Variants in UGT1A10 observed in about 807,000 individuals in gnomAD.
The protein encoded by UGT1A10 is UDP-glucuronosyltransferase 1A10.
Under a neutral mutation model 45.8 loss-of-function variants are expected in UGT1A10, and 49 were observed. The ratio of observed to expected loss-of-function variants is 1.07; its 90% CI spans 0.85 to 1.36. The LOEUF is 1.36. Ranked by LOEUF, UGT1A10 falls within the 40% of genes most tolerant of loss-of-function variation. UGT1A10 has a pLI of 0.00. For missense variants in UGT1A10, 745 were observed against 668.6 expected (o/e 1.11, Z -1.26); for synonymous variants, 284 against 249.7 (o/e 1.14, Z -1.29).
At chr2:233,747,030 G>A (rs1487472781) in intron 1 of UGT1A10, among the ~76,000 whole-genome samples, 1 of 151,896 alleles carries the variant, frequency 6.6e-6, no homozygotes, top group Non-Finnish European at 1.5e-5. Context: ...TTCCCGAAGT[G>A]GGACCCATAA....
At chr2:233,737,896 G>C (rs1414538821) in intron 1 of UGT1A10, among the ~76,000 whole-genome samples, 1 of 152,068 alleles carries the variant, frequency 6.6e-6, no homozygotes, top group Non-Finnish European at 1.5e-5. Context: ...TAATTTTCGA[G>C]TGTGGTAAAG....
Position 233,636,857 on chromosome 2 carries a change from C to T in UGT1A10, c.335C>T (p.Ser112Leu). The change falls in exon 1 of 5, where the codon TCA becomes TTA. Residue 112 changes from serine (S) to leucine (L), a missense_variant. Ser to Leu is a moderately radical substitution (Grantham distance 145). Transcript: ENST00000344644. ...AGTATATTTTCTCTATTAATGAGTT[C>T]ATCCAGTGGTTTTCTTGACTTATTT... is the stretch of plus-strand genomic sequence containing the variant. ...AQSIFSLLMS[S>L]SSGFLDLFFS... 6.2e-7 allele frequency: 1 copy of T among 1,614,194 alleles called. No individual in the cohort carries two copies. The highest frequency in any genetic ancestry group is 8.5e-7 in the Non-Finnish European group (1 of 1,180,040).
chr2:233,771,958 T>A (rs1232504862), intron 4 of UGT1A10, among the ~76,000 whole-genome samples: 1 of 152,108 alleles, frequency 6.6e-6, no homozygotes, highest in East Asian at 1.9e-4. Context: ...CTACAAAAAA[T>A]TTAAAAATTG....
At chr2:233,754,297 C>G (rs1695445363) in intron 1 of UGT1A10, 1 of 235,612 alleles carries the variant, frequency 4.2e-6, no homozygotes, top group Non-Finnish European at 8.4e-6. Flanking sequence ...TGTCCTAGCA[C>G]TAGGAAATAA....
intron 4 of UGT1A10, among the ~76,000 whole-genome samples, chr2:233,768,933 G>C (rs1699758323): frequency 6.6e-6 from 1 of 151,962 alleles, no homozygotes; most frequent in South Asian, 2.1e-4. Flanking sequence ...TTTATAAAAG[G>C]ATTCTTTAGT....
intron 1 of UGT1A10, chr2:233,648,072 C>T: frequency 1.9e-6 from 3 of 1,546,430 alleles, no homozygotes; most frequent in South Asian, 1.3e-5. Context: ...CTTCTTCAAC[C>T]TTATACACCC....
chr2:233,768,435 A>G lies in UGT1A10; in HGVS notation c.1291A>G (p.Lys431Glu), dbSNP rs1699610425. Residue 431 changes from lysine to glutamate, a missense_variant, in exon 4 of 5, where the codon AAA becomes GAA. Physicochemically the swap from Lys to Glu is moderately conservative, Grantham distance 56. Transcript: ENST00000344644. ...ENALKAVINDKSYKENIMRLS... is the reference protein window; with the variant it reads ...ENALKAVINDESYKENIMRLS... ...TGCTCTAAAAGCAGTCATCAATGAC[A>G]AAAGGTAAGAAAGAAGATACAGAAG... 1.2e-6 allele frequency: 2 copies of G among 1,613,666 alleles called. No individual in the cohort carries two copies. The highest frequency in any genetic ancestry group is 1.7e-6 in the Non-Finnish European group (2 of 1,179,762).
intron 1 of UGT1A10, among the ~76,000 whole-genome samples, chr2:233,697,448 C>G (rs780047517): frequency 9.4e-5 from 14 of 149,256 alleles, no homozygotes; most frequent in Admixed American, 3.3e-4. Context: ...CTGATTTTAT[C>G]TGAGTGTTTT....
chr2:233,686,016 A>G lies in UGT1A10; in HGVS notation c.855+48639A>G, dbSNP rs565898309. On this transcript the variant is annotated intron_variant, in intron 1 of 4. Coordinates refer to ENST00000344644, the MANE Select transcript of UGT1A10 (RefSeq NM_019075.4). ...CTGTACATCCTTTGCCTTGATTTTCATCATGGTGCCAAGAGCATTGAAATG... is the reference window on the plus strand; with the variant it reads ...CTGTACATCCTTTGCCTTGATTTTCGTCATGGTGCCAAGAGCATTGAAATG... Among the ~76,000 whole-genome samples the G allele has an allele frequency of 7.0e-4, 107 of 152,332 alleles. 1 individual carries two copies. Among genetic ancestry groups the G allele is most frequent in the African/African-American group, 2.3e-3 (96 of 41,584 alleles).
At chr2:233,684,022 G>A (rs1295589698) in intron 1 of UGT1A10, among the ~76,000 whole-genome samples, 1 of 152,174 alleles carries the variant, frequency 6.6e-6, no homozygotes, top group Non-Finnish European at 1.5e-5. Flanking sequence ...CTTGGCAAAT[G>A]CATAGTTGCT....
chr2:233,691,808 T>A, intron 1 of UGT1A10: 1 of 201,832 alleles, frequency 5.0e-6, no homozygotes, highest in Non-Finnish European at 8.8e-6. Flanking sequence ...TCTCAAATCT[T>A]AATTTCCTAA....
intron 1 of UGT1A10, among the ~76,000 whole-genome samples, chr2:233,645,029 A>G (rs1305645523): frequency 1.3e-5 from 2 of 152,180 alleles, no homozygotes; most frequent in Non-Finnish European, 2.9e-5. Flanking sequence ...GGGAGCAGGT[A>G]GACCACTTTG....
intron 1 of UGT1A10, among the ~76,000 whole-genome samples, chr2:233,666,039 G>A (rs1039161158): frequency 6.6e-6 from 1 of 152,174 alleles, no homozygotes; most frequent in Non-Finnish European, 1.5e-5. Flanking sequence ...TCATTCAGGC[G>A]ATACAAGAAG....
intron 1 of UGT1A10, among the ~76,000 whole-genome samples, chr2:233,658,296 G>A (rs953738965): frequency 3.3e-5 from 5 of 152,160 alleles, no homozygotes; most frequent in African/African-American, 9.7e-5. Context: ...TGGGATTACA[G>A]GTGTGAGCAA....
At chr2:233,713,703 C>G (rs561558353) in intron 1 of UGT1A10, 2 of 1,613,916 alleles carry the variant, frequency 1.2e-6, no homozygotes, top group East Asian at 2.2e-5. Context: ...TGCCTCTGAG[C>G]TTTTTCAGAG....
chr2:233,643,223 T>C (rs2073504380), intron 1 of UGT1A10, among the ~76,000 whole-genome samples: 1 of 152,212 alleles, frequency 6.6e-6, no homozygotes, highest in Admixed American at 6.5e-5. Context: ...GCATTCCACC[T>C]GGTATTTTAT....
chr2:233,690,315 G>T (rs2074985024), intron 1 of UGT1A10, among the ~76,000 whole-genome samples: 1 of 152,108 alleles, frequency 6.6e-6, no homozygotes, highest in Admixed American at 6.5e-5. Context: ...TTACTTATGG[G>T]TCGTAGGTCA....
chr2:233,718,709 A>T, intron 1 of UGT1A10: 1 of 1,605,752 alleles, frequency 6.2e-7, no homozygotes, highest in African/African-American at 1.3e-5. Context: ...TTGTCTTCCA[A>T]TTACATGCTG....
chr2:233,746,849 C>A (rs1171057380), intron 1 of UGT1A10, among the ~76,000 whole-genome samples: 1 of 151,698 alleles, frequency 6.6e-6, no homozygotes, highest in African/African-American at 2.4e-5. Flanking sequence ...CCTCTCAGAC[C>A]TCAGCTGCAG....
Sources: allele counts gnomAD v4.1 joint callset (sites outside exome capture counted in the v4.1 genomes callset), GRCh38; gene constraint gnomAD v4.1.1; transcripts MANE v1.5; gene names NCBI Gene and HGNC (gene_info 2026-07-23, HGNC 2026-07-21).